The following XRN2 variants were observed in gnomAD, a reference collection of about 807,000 sequenced individuals.
XRN2 encodes the protein 5'-3' exoribonuclease 2.
A neutral mutation model predicts 138.5 loss-of-function variants in XRN2; 44 were observed. The ratio of observed to expected loss-of-function variants is 0.32; its 90% confidence interval spans 0.25 to 0.41. The LOEUF (loss-of-function observed/expected upper bound fraction) is 0.41. XRN2 is among the 10% of genes least tolerant of loss of function. The pLI is 1.00. For missense variants in XRN2, 937 were observed against 1,169.3 expected, an observed-to-expected ratio of 0.80 and a Z score of 2.90; for synonymous variants, 354 against 369.4, an observed-to-expected ratio of 0.96 and a Z score of 0.48.
At chr20:21,330,377 C>CT in intron 4 of XRN2, 104 bp from the exon 5 acceptor site, 1 of 1,173,034 alleles carries the variant, frequency 8.5e-7, no homozygotes, top group South Asian at 1.6e-5. Context: ...CGAGACTTCA[C>CT]TTTCTTTTGT....
chr20:21,304,371 C>A (rs1042150121), intron 1 of XRN2, among the ~76,000 whole-genome samples: 8 of 138,658 alleles, frequency 5.8e-5, no homozygotes, highest in Non-Finnish European at 9.4e-5. Context: ...TTTTAACTTT[C>A]TTGGCTTCTA....
chr20:21,317,176 G>C (rs867693475), intron 1 of XRN2, among the ~76,000 whole-genome samples: 2 of 152,166 alleles, frequency 1.3e-5, no homozygotes, highest in South Asian at 2.1e-4. Context: ...TCATTTTAGA[G>C]GGAAAGCATT....
intron 24 of XRN2, 107 bp from the exon 25 acceptor site, chr20:21,365,314 A>G: frequency 9.5e-7 from 1 of 1,051,470 alleles, no homozygotes. Flanking sequence ...CCATTTATTA[A>G]CTAAAATAAT....
At chr20:21,353,175 TTA>T (rs1232214213) in intron 20 of XRN2, among the ~76,000 whole-genome samples, 17 of 144,686 alleles carry the variant, frequency 1.2e-4, no homozygotes, top group African/African-American at 3.3e-4. Context: ...TAATATATGT[TTA>T]TATATATTTT....
rs979218648 is a variant in XRN2, at chr20:21,350,075, A to G, written c.1936+614A>G. 5.3e-5 allele frequency among the ~76,000 whole-genome samples: 8 copies of G among 152,218 alleles called. No individual in the cohort carries two copies. In the South Asian group the frequency reaches 6.2e-4, roughly 12 times the overall value. On this transcript the variant is annotated intron_variant, in intron 20 of 29. Coordinates refer to ENST00000377191, the MANE Select transcript of XRN2 (RefSeq NM_012255.5). ...TTTGAAAAATATGCTAGAAACTTTT[A>G]TGTAGTTTAAATACTTGATGTTGAT...
chr20:21,321,625 C>T (rs1351728334), intron 1 of XRN2, among the ~76,000 whole-genome samples: 1 of 152,130 alleles, frequency 6.6e-6, no homozygotes, highest in African/African-American at 2.4e-5. Context: ...ATTCTACTTT[C>T]ACTGTTCTTG....
intron 1 of XRN2, among the ~76,000 whole-genome samples, chr20:21,318,680 G>A (rs2037994870): frequency 6.6e-6 from 1 of 151,698 alleles, no homozygotes; most frequent in African/African-American, 2.4e-5. Flanking sequence ...AGTAGTTTCT[G>A]GTTTCCCGTT....
At chr20:21,340,612 T>C in intron 14 of XRN2, 109 bp from the exon 15 acceptor site, 1 of 1,272,932 alleles carries the variant, frequency 7.9e-7, no homozygotes, top group Non-Finnish European at 1.1e-6. Context: ...TAGTGAGTTT[T>C]GTAAAGTGCT....
Position 21,365,656 on chromosome 20 carries a change from G to T in XRN2, c.2408G>T (p.Arg803Leu). 2.5e-6 allele frequency: 4 copies of T among 1,613,116 alleles called. No individual in the cohort carries two copies. Among genetic ancestry groups the T allele is most frequent in the Non-Finnish European group, 3.4e-6 (4 of 1,179,910 alleles). ...TGGAAGCCTCAGCTTGGCTTTAACC[G>T]TGACCGGAGGCCTGTGCACCTGGAT... ...RQWKPQLGFN[R>L]DRRPVHLDQA... Residue 803 changes from arginine (R) to leucine (L), a missense_variant, in exon 26 of 30, where the codon CGT (arginine) becomes CTT (leucine). Physicochemically the swap from Arg to Leu is moderately radical, Grantham distance 102. Coordinates refer to ENST00000377191, the MANE Select transcript of XRN2 (RefSeq NM_012255.5).
At chr20:21,347,675 A>T (rs1490779616) in intron 17 of XRN2, among the ~76,000 whole-genome samples, 3 of 152,218 alleles carry the variant, frequency 2.0e-5, no homozygotes, top group Non-Finnish European at 4.4e-5. Flanking sequence ...GTCAGGTGAA[A>T]ATATAATGGT....
At chr20:21,353,627 C>CA (rs1433110308) in intron 20 of XRN2, among the ~76,000 whole-genome samples, 3 of 151,670 alleles carry the variant, frequency 2.0e-5, no homozygotes, top group Non-Finnish European at 2.9e-5. Flanking sequence ...CTCATCTCTA[C>CA]AAAAAATTTT....
intron 24 of XRN2, among the ~76,000 whole-genome samples, chr20:21,363,250 C>T (rs1298500046): frequency 6.6e-6 from 1 of 152,158 alleles, no homozygotes; most frequent in African/African-American, 2.4e-5. Flanking sequence ...GAAGGGGAGG[C>T]AGGCTTGATG....
chr20:21,340,916 GGT>G (rs2038364172), intron 15 of XRN2, 64 bp downstream of exon 15: 10 of 1,564,930 alleles, frequency 6.4e-6, no homozygotes, highest in African/African-American at 2.7e-5. Flanking sequence ...TTGCAGGGGT[GGT>G]GTGTGTGTGA....
chr20:21,338,499 A>G (rs2038329574), intron 13 of XRN2, among the ~76,000 whole-genome samples: 1 of 152,122 alleles, frequency 6.6e-6, no homozygotes, highest in Non-Finnish European at 1.5e-5. Context: ...GAATCTGGCC[A>G]GGGTGAGGGA....
chr20:21,386,769 T>C (rs2038940140), intron 28 of XRN2, 99 bp from the exon 29 acceptor site: 2 of 1,434,632 alleles, frequency 1.4e-6, no homozygotes, highest in African/African-American at 1.4e-5. Context: ...TCCAGGTAAA[T>C]TGGATTGTAC....
intron 27 of XRN2, among the ~76,000 whole-genome samples, chr20:21,372,730 A>G (rs1251782023): frequency 6.6e-6 from 1 of 152,182 alleles, no homozygotes; most frequent in Non-Finnish European, 1.5e-5. Flanking sequence ...TTTTTATGAA[A>G]TAGATATATT....
intron 1 of XRN2, among the ~76,000 whole-genome samples, chr20:21,309,219 G>C (rs1173650484): frequency 2.0e-5 from 3 of 152,208 alleles, no homozygotes; most frequent in Non-Finnish European, 4.4e-5. Flanking sequence ...AAGAGTTTGT[G>C]TAGAGTTAGT....
rs556535582 is a variant in XRN2, at chr20:21,333,725, A to G, written c.955A>G (p.Met319Val). The G allele has an allele frequency of 3.3e-5, 53 of 1,614,108 alleles. No homozygotes were observed. Among genetic ancestry groups the G allele is most frequent in the Middle Eastern group, 1.6e-4 (1 of 6,062 alleles). Residue 319 changes from methionine (M) to valine (V), a missense_variant, in exon 11 of 30, where the codon ATG becomes GTG. By Grantham distance (21) the Met-to-Val change is conservative. Coordinates refer to ENST00000377191, the MANE Select transcript of XRN2 (RefSeq NM_012255.5). The stretch of plus-strand genomic sequence containing the variant: ...GTAGTATTTGGAAAGAGAACTCACA[A>G]TGGCCAGCCTACCATTCACATTTGA... Reference protein sequence around the residue: ...LREYLERELTMASLPFTFDVE... With the variant: ...LREYLERELTVASLPFTFDVE...
chr20:21,310,117 C>G (rs982138957), intron 1 of XRN2, among the ~76,000 whole-genome samples: 1 of 152,158 alleles, frequency 6.6e-6, no homozygotes, highest in Non-Finnish European at 1.5e-5. Flanking sequence ...ATTGTTTAAA[C>G]AGTGTGCCAC....
Sources: gnomAD v4.1 joint callset for allele counts (sites outside exome capture counted in the v4.1 genomes callset) on GRCh38, gnomAD v4.1.1 for gene constraint, MANE v1.5 for transcripts, NCBI Gene and HGNC (gene_info 2026-07-23, HGNC 2026-07-21) for gene names.